SYTL1: variants seen among roughly 807,000 people sequenced by gnomAD.
SYTL1 encodes synaptotagmin like 1.
Under a neutral mutation model 74.6 loss-of-function variants are expected in SYTL1, and 53 were observed. That is an observed-to-expected ratio of 0.71 (90% confidence interval 0.57 to 0.89). The LOEUF (loss-of-function observed/expected upper bound fraction) is 0.89, where lower values mean the gene tolerates loss of function less well. Ranked by LOEUF, SYTL1 falls within the 40% of genes least tolerant of loss-of-function variation. The probability of loss-of-function intolerance (pLI) is 0.00; values close to 1 mark genes in which losing one functional copy is unlikely to be tolerated. For synonymous variants in SYTL1, 329 were observed against 324.9 expected, an observed-to-expected ratio of 1.01 and a Z score of -0.14; for missense variants, 728 against 768.7, an observed-to-expected ratio of 0.95 and a Z score of 0.63.
In SYTL1 at chr1:27,351,728, C is replaced by T; in HGVS notation, c.1343+173C>T. The stretch of plus-strand genomic sequence containing the variant: ...CTGGAGTCAGGGAAGTTGAGGACAC[C>T]TTTGAGGAGCTGCATTTCAGCGTGA... On this transcript the variant is annotated intron_variant, in intron 13 of 14. Transcript: ENST00000616558. The surrounding 1 kb of genome is among the most constrained non-coding windows in gnomAD (Gnocchi z 5.0). 1.9e-6 allele frequency: 1 copy of T among 528,848 alleles called. No homozygotes were observed. Among genetic ancestry groups the T allele is most frequent in the South Asian group, 2.7e-5 (1 of 36,640 alleles). 32.8% of individuals were successfully genotyped at this position (528,848 alleles called of 1,614,324 possible).
rs374027176 is a variant in SYTL1, at chr1:27,345,382, C to T, written c.48C>T (p.Pro16=). ...CGCAAGAGGGGCTTTGGGCTCTGCC[C>T]TCCCTCCCCATGGCGCATGGGCCAA... ...HPSQEGLWAL[P]SLPMAHGPKP... The change falls in exon 2 of 15, where the codon CCC becomes CCT. Residue 16 remains proline, a synonymous_variant. Transcript: ENST00000616558. This position sits in a 1 kb window ranked among gnomAD's most constrained non-coding sequence, Gnocchi z 6.0. The T allele has an allele frequency of 5.9e-5, 91 of 1,552,828 alleles. No individual in the cohort carries two copies. In the African/African-American group the frequency reaches 1.1e-3, roughly 19 times the overall value.
intron 13 of SYTL1, chr1:27,352,350 A>G (rs1368207977): frequency 6.6e-6 from 1 of 152,118 alleles, no homozygotes; most frequent in African/African-American, 2.4e-5. Flanking sequence ...AAATAAAAAA[A>G]AACCTTGGAA....
In SYTL1 at chr1:27,347,004, C is replaced by T. The variant is rs1571033389; in HGVS notation, c.192-417C>T. Among the ~76,000 whole-genome samples the T allele has an allele frequency of 1.3e-5, 2 of 151,902 alleles. No individual in the cohort carries two copies. The highest frequency in any genetic ancestry group is 3.9e-4 in the East Asian group (2 of 5,170). ...GGGCATGGTGGCACACGCCTGTAGT[C>T]CCAGCTACTCAGGAGGCTGAGGTGG... On this transcript the variant is annotated intron_variant, in intron 2 of 14. Transcript: ENST00000616558. The surrounding 1 kb of genome is among the most constrained non-coding windows in gnomAD (Gnocchi z 4.9).
In SYTL1 at chr1:27,351,305, G is replaced by C; in HGVS notation, c.1212G>C (p.Leu404=). ...TTCCGAGCCGCGGGTTACTCGCCCT[G>C]TCCCTCAAGTACGTCCCCGCCGGCT... ...DDLPSRGLLA[L]SLKYVPAGSE... is the part of the protein sequence containing the mutation. Residue 404 remains leucine (L), a synonymous_variant, in exon 12 of 15, where the codon CTG becomes CTC. Transcript: ENST00000616558. The surrounding 1 kb of genome is among the most constrained non-coding windows in gnomAD (Gnocchi z 5.0). The C allele has an allele frequency of 6.4e-7, 1 of 1,563,152 alleles. No homozygotes were observed. Among genetic ancestry groups the C allele is most frequent in the Non-Finnish European group, 8.7e-7 (1 of 1,154,310 alleles).
In SYTL1 at chr1:27,347,828, G is replaced by A. The variant is rs191472571; in HGVS notation, c.361G>A (p.Asp121Asn). 7.6e-5 allele frequency: 123 copies of A among 1,613,684 alleles called. No individual in the cohort carries two copies. In the Admixed American group the frequency reaches 1.6e-3, roughly 21 times the overall value. The change falls in exon 4 of 15, where the codon GAC becomes AAC. Residue 121 changes from aspartate (D) to asparagine (N), a missense_variant. Asp to Asn is a conservative substitution (Grantham distance 23). Transcript: ENST00000616558. The surrounding 1 kb of genome is among the most constrained non-coding windows in gnomAD (Gnocchi z 4.9). ...STRGDQAPGHDREAEAAVKEK... is the reference protein window; with the variant it reads ...STRGDQAPGHNREAEAAVKEK... ...CCCAGGAGACCAGGCTCCAGGCCACGACAGGGAGGCTGAGGCTGCTGTGAA... is the reference window on the plus strand; with the variant it reads ...CCCAGGAGACCAGGCTCCAGGCCACAACAGGGAGGCTGAGGCTGCTGTGAA...
At chr1:27,349,275 G>A (rs1229651274) in intron 6 of SYTL1, 123 bp downstream of exon 6, 1 of 1,481,094 alleles carries the variant, frequency 6.8e-7, no homozygotes, top group Non-Finnish European at 9.0e-7. Flanking sequence ...CGGAGGTGGG[G>A]ACGATCCCAG....
At position 27,347,639 on chromosome 1, in the gene SYTL1, G is replaced by A. The variant is rs1430738326; in HGVS notation, c.340+70G>A. ...GGCGCTGGCTGTATGTGGACAGGGA[G>A]AGAGGACCACTAGGGCTCCAGTCCT... On this transcript the variant is annotated intron_variant, in intron 3 of 14. Transcript: ENST00000616558. This position sits in a 1 kb window ranked among gnomAD's most constrained non-coding sequence, Gnocchi z 4.9. 1 of 1,574,952 alleles carries A rather than the reference G, an allele frequency of 6.3e-7. No individual in the cohort carries two copies. Among genetic ancestry groups the A allele is most frequent in the Non-Finnish European group, 8.6e-7 (1 of 1,157,764 alleles).
In SYTL1 at chr1:27,345,535, G is replaced by T; in HGVS notation, c.191+10G>T. 1 of 1,536,570 alleles carries T rather than the reference G, an allele frequency of 6.5e-7. No individual in the cohort carries two copies. Among genetic ancestry groups the T allele is most frequent in the South Asian group, 1.2e-5 (1 of 82,588 alleles). On this transcript the variant is annotated intron_variant, in intron 2 of 14. Transcript: ENST00000616558. This position sits in a 1 kb window ranked among gnomAD's most constrained non-coding sequence, Gnocchi z 6.0. ...AGGAGGGGCGGGTCAGGTAAGGCAGGGCAGACCCTGGCCGGGGAGCACCAA... is the reference window on the plus strand; with the variant it reads ...AGGAGGGGCGGGTCAGGTAAGGCAGTGCAGACCCTGGCCGGGGAGCACCAA...
chr1:27,351,192 C>A lies in SYTL1; in HGVS notation c.1165-66C>A. ...TCTAGCCGCACCCCATCCGGGTCTGCAGACCCCACCCTCCTGAGGCCCCTT... is the reference window on the plus strand; with the variant it reads ...TCTAGCCGCACCCCATCCGGGTCTGAAGACCCCACCCTCCTGAGGCCCCTT... On this transcript the variant is annotated intron_variant, in intron 11 of 14. Coordinates refer to ENST00000616558, the MANE Select transcript of SYTL1 (RefSeq NM_001193308.2). This position sits in a 1 kb window ranked among gnomAD's most constrained non-coding sequence, Gnocchi z 5.0. 6.6e-7 allele frequency: 1 copy of A among 1,525,518 alleles called. No individual in the cohort carries two copies. The allele number at this position is 1,525,518 out of a possible 1,614,324, so 94.5% of individuals were successfully genotyped here.
rs1305404900 is a variant in SYTL1, at chr1:27,349,480, G to T, written c.615G>T (p.Pro205=). The change falls in exon 7 of 15, where the codon CCG becomes CCT. Residue 205 remains proline, a synonymous_variant. Coordinates refer to ENST00000616558, the MANE Select transcript of SYTL1 (RefSeq NM_001193308.2). ...LEPASGGEQE[P]RPQQAQTKAA... ...CCGCGTCGGGGGGAGAGCAGGAGCCGCGGCCCCAGCAAGCCCAGGTAGGCG... is the reference window on the plus strand; with the variant it reads ...CCGCGTCGGGGGGAGAGCAGGAGCCTCGGCCCCAGCAAGCCCAGGTAGGCG... The T allele has an allele frequency of 3.4e-6, 5 of 1,454,116 alleles. No homozygotes were observed. The Admixed American group carries it at 8.4e-5, about 24-fold the overall frequency. 90.1% of individuals were successfully genotyped at this position (1,454,116 alleles called of 1,614,324 possible). A position where few individuals can be genotyped will look rare whatever the true frequency, so the allele number is the denominator to read the frequency against.
At chr1:27,349,529 A>C in intron 7 of SYTL1, 31 bp downstream of exon 7, 3 of 1,458,804 alleles carry the variant, frequency 2.1e-6, no homozygotes, top group South Asian at 2.8e-5. Context: ...GCTGCTCTCA[A>C]CATCCGGAGC....
chr1:27,353,302 A>T lies in SYTL1; in HGVS notation c.1363A>T (p.Ser455Cys). The T allele has an allele frequency of 6.3e-7, 1 of 1,597,666 alleles. No individual in the cohort carries two copies. The highest frequency in any genetic ancestry group is 8.5e-7 in the Non-Finnish European group (1 of 1,172,544). The change falls in exon 14 of 15, where the codon AGC becomes TGC. Residue 455 changes from serine (S) to cysteine (C), a missense_variant. By Grantham distance (112) the Ser-to-Cys change is moderately radical. Transcript: ENST00000616558. Reference protein sequence around the residue: ...YVQCFVLPDDSQASRQRTRVV... With the variant: ...YVQCFVLPDDCQASRQRTRVV... Reference sequence around the variant, plus strand: ...GCACAGCTTCGTGCTGCCTGATGACAGCCAGGCCAGCCGCCAGCGTACAAG... The same window carrying T: ...GCACAGCTTCGTGCTGCCTGATGACTGCCAGGCCAGCCGCCAGCGTACAAG...
rs201080443 is a variant in SYTL1 at position 27,351,425 on chromosome 1, G to C, written c.1244-31G>C. 2.0e-6 allele frequency: 3 copies of C among 1,508,548 alleles called. No individual in the cohort carries two copies. The highest frequency in any genetic ancestry group is 2.5e-5 in the East Asian group (1 of 40,448). The allele number at this position is 1,508,548 out of a possible 1,614,324, so 93.4% of individuals were successfully genotyped here. A position where few individuals can be genotyped will look rare whatever the true frequency, so the allele number is the denominator to read the frequency against. On this transcript the variant is annotated intron_variant, in intron 12 of 14. Coordinates refer to ENST00000616558, the MANE Select transcript of SYTL1 (RefSeq NM_001193308.2). This position sits in a 1 kb window ranked among gnomAD's most constrained non-coding sequence, Gnocchi z 5.0. ...GGTTTGGGGGCGGTGGACTCCATCCGTGTGCGGGCCTGAGCCGAGCCTCTC... is the reference window on the plus strand; with the variant it reads ...GGTTTGGGGGCGGTGGACTCCATCCCTGTGCGGGCCTGAGCCGAGCCTCTC...
chr1:27,353,371 G>T lies in SYTL1; in HGVS notation c.1432G>T (p.Val478Leu). 1 of 1,611,692 alleles carries T rather than the reference G, an allele frequency of 6.2e-7. No homozygotes were observed. Among genetic ancestry groups the T allele is most frequent in the Non-Finnish European group, 8.5e-7 (1 of 1,179,294 alleles). ...SLSPVFNHTMVYDGFGPADLR... is the reference protein window; with the variant it reads ...SLSPVFNHTMLYDGFGPADLR... ...CAGCCCTGTGTTCAATCACACCATG[G>T]TGTACGATGGCTTTGGGCCTGCTGA... Residue 478 changes from valine to leucine, a missense_variant, in exon 14 of 15, where the codon GTG becomes TTG. Val to Leu is a conservative substitution (Grantham distance 32, BLOSUM62 1). Coordinates refer to ENST00000616558, the MANE Select transcript of SYTL1 (RefSeq NM_001193308.2).
chr1:27,348,032 T>A lies in SYTL1; in HGVS notation c.459+20T>A. 1 of 1,612,724 alleles carries A rather than the reference T, an allele frequency of 6.2e-7. No individual in the cohort carries two copies. The highest frequency in any genetic ancestry group is 1.3e-5 in the African/African-American group (1 of 74,920). On this transcript the variant is annotated intron_variant, in intron 5 of 14. Transcript: ENST00000616558. The surrounding 1 kb of genome is among the most constrained non-coding windows in gnomAD (Gnocchi z 4.1). Reference sequence around the variant, plus strand: ...ACTGAGGTAAGTGAATGAGCCAACATGTGAGTACAGTGTCCCTGGAGGGGA... The same window carrying A: ...ACTGAGGTAAGTGAATGAGCCAACAAGTGAGTACAGTGTCCCTGGAGGGGA...
chr1:27,353,305 C>G lies in SYTL1; in HGVS notation c.1366C>G (p.Gln456Glu), dbSNP rs1471289364. 6 of 1,598,888 alleles carry G rather than the reference C, an allele frequency of 3.8e-6. No homozygotes were observed. The East Asian group carries it at 6.8e-5, about 18-fold the overall frequency. Residue 456 changes from glutamine to glutamate, a missense_variant, in exon 14 of 15, where the codon CAG becomes GAG. Gln to Glu is a conservative substitution (Grantham distance 29, BLOSUM62 2). Transcript: ENST00000616558. ...VQCFVLPDDS[Q>E]ASRQRTRVVR... ...CAGCTTCGTGCTGCCTGATGACAGC[C>G]AGGCCAGCCGCCAGCGTACAAGGGT...
chr1:27,344,613 A>T (rs1398988007), intron 1 of SYTL1, among the ~76,000 whole-genome samples: 1 of 148,744 alleles, frequency 6.7e-6, no homozygotes, highest in Non-Finnish European at 1.5e-5. Flanking sequence ...GCACTTTGGG[A>T]GGCTGAGGCT....
rs970128550 is a variant in SYTL1 at position 27,347,365 on chromosome 1, T to C, written c.192-56T>C. On this transcript the variant is annotated intron_variant, in intron 2 of 14. Coordinates refer to ENST00000616558, the MANE Select transcript of SYTL1 (RefSeq NM_001193308.2). This position sits in a 1 kb window ranked among gnomAD's most constrained non-coding sequence, Gnocchi z 4.9. ...GTCCCAAGCCTGTTAACAATGTAGG[T>C]GGCGGGAATGTTGCTTGGGTGAGTC... 6.2e-7 allele frequency: 1 copy of C among 1,611,642 alleles called. No homozygotes were observed. Among genetic ancestry groups the C allele is most frequent in the South Asian group, 1.1e-5 (1 of 90,946 alleles).
At position 27,351,293 on chromosome 1, in the gene SYTL1, G is replaced by A. The variant is rs149798691; in HGVS notation, c.1200G>A (p.Gly400=). Reference sequence around the variant, plus strand: ...CTCCCGACGACCTTCCGAGCCGCGGGTTACTCGCCCTGTCCCTCAAGTACG... The same window carrying A: ...CTCCCGACGACCTTCCGAGCCGCGGATTACTCGCCCTGTCCCTCAAGTACG... ...PPSPDDLPSR[G]LLALSLKYVP... The change falls in exon 12 of 15, where the codon GGG becomes GGA. Residue 400 remains glycine, a synonymous_variant. Transcript: ENST00000616558. The surrounding 1 kb of genome is among the most constrained non-coding windows in gnomAD (Gnocchi z 5.0). 2.1e-5 allele frequency: 33 copies of A among 1,563,236 alleles called. No homozygotes were observed. Among genetic ancestry groups the A allele is most frequent in the Non-Finnish European group, 2.8e-5 (32 of 1,154,674 alleles).
Sources: gnomAD v4.1 joint callset for allele counts (sites outside exome capture counted in the v4.1 genomes callset) on GRCh38, gnomAD v4.1.1 for gene constraint, Gnocchi (gnomAD v3.1) non-coding constraint, MANE v1.5 for transcripts, NCBI Gene and HGNC (gene_info 2026-07-23, HGNC 2026-07-21) for gene names.